SUFU: variants seen among roughly 807,000 people sequenced by gnomAD.
SUFU encodes the protein SUFU negative regulator of hedgehog signaling.
Under a neutral mutation model 58.9 loss-of-function variants are expected in SUFU, and 7 were observed. That is an observed-to-expected ratio of 0.12 (90% CI 0.07 to 0.22). SUFU has a LOEUF of 0.22. Among genes scored for constraint, SUFU ranks in the 10% least tolerant of loss-of-function variants. The probability of loss-of-function intolerance (pLI) is 1.00; values close to 1 mark genes in which losing one functional copy is unlikely to be tolerated. For missense variants in SUFU, 451 were observed against 641.3 expected (o/e 0.70, Z 3.20); for synonymous variants, 232 against 254.8 (o/e 0.91, Z 0.85).
chr10:102,564,673 C>T (rs550215464), intron 3 of SUFU, among the ~76,000 whole-genome samples: 12 of 152,236 alleles, frequency 7.9e-5, no homozygotes, highest in African/African-American at 2.4e-4. Context: ...TGCCTATTGC[C>T]CCAGTCAGCT....
chr10:102,592,796 G>T, intron 4 of SUFU, 72 bp downstream of exon 4: 1 of 1,575,360 alleles, frequency 6.3e-7, no homozygotes. Context: ...GAGGCTTGAG[G>T]AGGGGGAGTG....
intron 3 of SUFU, among the ~76,000 whole-genome samples, chr10:102,583,856 C>G (rs554304335): frequency 2.6e-5 from 4 of 152,220 alleles, no homozygotes; most frequent in East Asian, 1.9e-4. Flanking sequence ...TCCCTCCCCC[C>G]TCTCCCCACC....
intron 3 of SUFU, among the ~76,000 whole-genome samples, chr10:102,575,706 C>T (rs1230201589): frequency 6.6e-6 from 1 of 152,210 alleles, no homozygotes; most frequent in Non-Finnish European, 1.5e-5. Flanking sequence ...AGCTTCCTGG[C>T]ATGTCCAGAT....
At chr10:102,548,930 C>T (rs1235018641) in intron 2 of SUFU, among the ~76,000 whole-genome samples, 1 of 152,164 alleles carries the variant, frequency 6.6e-6, no homozygotes, top group East Asian at 1.9e-4. Context: ...GGAGGGCAAC[C>T]CATGCATCTC....
intron 3 of SUFU, among the ~76,000 whole-genome samples, chr10:102,573,792 G>A (rs780844731): frequency 6.6e-6 from 1 of 152,134 alleles, no homozygotes; most frequent in Non-Finnish European, 1.5e-5. Context: ...GGTTCATAGA[G>A]ACAGAAGGCA....
chr10:102,571,963 G>C (rs2063166300), intron 3 of SUFU, among the ~76,000 whole-genome samples: 2 of 152,210 alleles, frequency 1.3e-5, no homozygotes, highest in African/African-American at 4.8e-5. Flanking sequence ...ATTCAAGGCA[G>C]CTTGCTTCTT....
chr10:102,512,906 A>G (rs2062418363), intron 2 of SUFU, among the ~76,000 whole-genome samples: 1 of 151,976 alleles, frequency 6.6e-6, no homozygotes, highest in Non-Finnish European at 1.5e-5. Context: ...CCATCTCTAC[A>G]GAAAATACAG....
intron 8 of SUFU, among the ~76,000 whole-genome samples, chr10:102,614,602 G>A (rs775034828): frequency 1.4e-5 from 2 of 141,688 alleles, no homozygotes; most frequent in Non-Finnish European, 3.1e-5. Context: ...AAGGCTGGGT[G>A]CAGTGGCTCA....
intron 2 of SUFU, among the ~76,000 whole-genome samples, chr10:102,515,120 T>G (rs369519637): frequency 1.1e-4 from 17 of 152,206 alleles, no homozygotes; most frequent in South Asian, 8.3e-4. Context: ...ACCGGCTTTC[T>G]GGGGCTGCCT....
At chr10:102,607,450 A>G (rs899375281) in intron 8 of SUFU, among the ~76,000 whole-genome samples, 1 of 152,248 alleles carries the variant, frequency 6.6e-6, no homozygotes, top group Non-Finnish European at 1.5e-5. Context: ...GGAAAAGTAT[A>G]TTAATATAAT....
intron 1 of SUFU, among the ~76,000 whole-genome samples, chr10:102,507,679 C>T (rs1281686239): frequency 6.6e-6 from 1 of 152,336 alleles, no homozygotes; most frequent in East Asian, 1.9e-4. Flanking sequence ...GAAACAAGAC[C>T]AACTGGTTTT....
intron 2 of SUFU, among the ~76,000 whole-genome samples, chr10:102,526,086 C>G (rs2062605217): frequency 6.6e-6 from 1 of 151,758 alleles, no homozygotes; most frequent in African/African-American, 2.4e-5. Flanking sequence ...CTAAGTTCAG[C>G]ATCAATATGG....
chr10:102,551,188 GTA>G (rs2062911025), intron 3 of SUFU, among the ~76,000 whole-genome samples: 1 of 152,186 alleles, frequency 6.6e-6, no homozygotes, highest in African/African-American at 2.4e-5. Context: ...ACCTACCATT[GTA>G]TGCCCTGTGG....
chr10:102,564,493 C>G lies in SUFU; in HGVS notation c.454+14387C>G, dbSNP rs560743732. Among the ~76,000 whole-genome samples, 19 of 152,164 alleles carry G rather than the reference C, an allele frequency of 1.2e-4. No homozygotes were observed. The South Asian group carries it at 3.7e-3, about 30-fold the overall frequency. ...GATTACAGGCGTGCACCACCACACC[C>G]GGCTAATTTTTGTATTTTTAGTAGA... is the stretch of plus-strand genomic sequence containing the variant. On this transcript the variant is annotated intron_variant, in intron 3 of 11. Transcript: ENST00000369902.
intron 8 of SUFU, among the ~76,000 whole-genome samples, chr10:102,602,146 A>G (rs947631891): frequency 2.0e-5 from 3 of 152,170 alleles, no homozygotes; most frequent in African/African-American, 4.8e-5. Flanking sequence ...GCTGCCATTC[A>G]TTTATCTTAT....
intron 2 of SUFU, among the ~76,000 whole-genome samples, chr10:102,529,191 T>C (rs1050214602): frequency 2.0e-5 from 3 of 152,200 alleles, no homozygotes; most frequent in Non-Finnish European, 1.5e-5. Context: ...GTATCAGTAA[T>C]TTTGAATTAT....
At chr10:102,597,029 T>C in intron 6 of SUFU, 111 bp from the exon 7 acceptor site, 11 of 1,313,422 alleles carry the variant, frequency 8.4e-6, no homozygotes, top group Non-Finnish European at 1.2e-5. Context: ...TGTCCCATGC[T>C]CAGCACCACA....
At chr10:102,555,908 A>G (rs868520002) in intron 3 of SUFU, among the ~76,000 whole-genome samples, 2 of 152,204 alleles carry the variant, frequency 1.3e-5, no homozygotes, top group South Asian at 2.1e-4. Context: ...ATACCTGCCT[A>G]CGTACATAGT....
intron 8 of SUFU, among the ~76,000 whole-genome samples, chr10:102,610,737 G>C (rs1279865702): frequency 6.6e-6 from 1 of 152,180 alleles, no homozygotes; most frequent in Non-Finnish European, 1.5e-5. Flanking sequence ...AGTCAGGAAG[G>C]AATGCCAATA....
Sources: gnomAD v4.1 joint callset for allele counts (sites outside exome capture counted in the v4.1 genomes callset) on GRCh38, gnomAD v4.1.1 for gene constraint, MANE v1.5 for transcripts, NCBI Gene and HGNC (gene_info 2026-07-23, HGNC 2026-07-21) for gene names.